The following TNRC6A variants were observed in gnomAD, a reference collection of about 807,000 sequenced individuals.
TNRC6A encodes trinucleotide repeat-containing gene 6A protein.
A neutral mutation model predicts 221.2 loss-of-function variants in TNRC6A; 44 were observed. That is an observed-to-expected ratio of 0.20 (90% CI 0.16 to 0.26). TNRC6A has a LOEUF of 0.26. Among genes scored for constraint, TNRC6A ranks in the 10% least tolerant of loss-of-function variants. The pLI is 1.00. For synonymous variants in TNRC6A, 847 were observed against 838.5 expected, an observed-to-expected ratio of 1.01 and a Z score of -0.18; for missense variants, 2,199 against 2,404.4, an observed-to-expected ratio of 0.91 and a Z score of 1.79.
Position 24,647,851 on chromosome 16 carries a change from A to G in TNRC6A, n.402+6842A>G, listed in dbSNP as rs1902373727. 2.0e-5 allele frequency among the ~76,000 whole-genome samples: 3 copies of G among 152,040 alleles called. No individual in the cohort carries two copies. In the South Asian group the frequency reaches 6.2e-4, roughly 32 times the overall value. ...GGTCTCGAACTCCTGACCTCAAATGATCAGCTGTCTCAGCCTCCCAAAGTG... is the reference window on the plus strand; with the variant it reads ...GGTCTCGAACTCCTGACCTCAAATGGTCAGCTGTCTCAGCCTCCCAAAGTG... On this transcript the variant is annotated intron_variant and non_coding_transcript_variant, in intron 2 of 2. Transcript: ENST00000566108.
Position 24,821,404 on chromosome 16 carries a change from G to C in TNRC6A, c.5303-673G>C, listed in dbSNP as rs563969179. On this transcript the variant is annotated intron_variant, in intron 22 of 24. Coordinates refer to ENST00000395799, the MANE Select transcript of TNRC6A (RefSeq NM_014494.4). ...CAGCCTCTGCCAAGGCCCAGACACC[G>C]GAGAAAGCACAAAGGCTCCCGTTGG... 3.3e-5 allele frequency among the ~76,000 whole-genome samples: 5 copies of C among 152,312 alleles called. No individual in the cohort carries two copies. The South Asian group carries it at 1.0e-3, about 32-fold the overall frequency.
At chr16:24,786,757 C>A (rs528624090) in intron 5 of TNRC6A, among the ~76,000 whole-genome samples, 1 of 151,902 alleles carries the variant, frequency 6.6e-6, no homozygotes, top group South Asian at 2.1e-4. Flanking sequence ...TCTCGGCTCA[C>A]GGCAACAGCC....
rs1286189316 is a variant in TNRC6A, at chr16:24,791,052, T to C, written c.2410T>C (p.Trp804Arg). The C allele has an allele frequency of 6.3e-7, 1 of 1,585,320 alleles. No homozygotes were observed. Among genetic ancestry groups the C allele is most frequent in the Non-Finnish European group, 8.6e-7 (1 of 1,165,800 alleles). The change falls in exon 6 of 25, where the codon TGG becomes CGG. Residue 804 changes from tryptophan to arginine, a missense_variant. Trp to Arg is a moderately radical substitution (Grantham distance 101). This residue lies in a region of TNRC6A where 1,405 missense variants were observed against 1,400.2 expected (regional missense o/e 1.00). Coordinates refer to ENST00000395799, the MANE Select transcript of TNRC6A (RefSeq NM_014494.4). ...DSKGSNCQGG[W>R]EDDSAATGMV... ...CAAAGGCTCAAACTGCCAGGGGGGG[T>C]GGGAAGATGATTCTGCTGCTACAGG...
Position 24,823,970 on chromosome 16 carries a change from A to G in TNRC6A, c.*163A>G. ...ACATATCAGTTTGAATACTTGAATCATGCAGGCCAATATTATAATGTGAAA... is the reference window on the plus strand; with the variant it reads ...ACATATCAGTTTGAATACTTGAATCGTGCAGGCCAATATTATAATGTGAAA... On this transcript the variant is annotated 3_prime_UTR_variant, in exon 25 of 25. Coordinates refer to ENST00000395799, the MANE Select transcript of TNRC6A (RefSeq NM_014494.4). The surrounding 1 kb of genome is among the most constrained non-coding windows in gnomAD (Gnocchi z 4.3). The G allele has an allele frequency of 1.8e-6, 1 of 558,334 alleles. No individual in the cohort carries two copies. The highest frequency in any genetic ancestry group is 2.8e-6 in the Non-Finnish European group (1 of 362,348). The allele number at this position is 558,334 out of a possible 1,614,324, so 34.6% of individuals were successfully genotyped here.
At chr16:24,822,842 C>T (rs2058794442) in intron 23 of TNRC6A, 32 bp from the exon 24 acceptor site, 2 of 1,611,932 alleles carry the variant, frequency 1.2e-6, no homozygotes, top group African/African-American at 2.7e-5. Context: ...GCGGTGACGC[C>T]TCTCACTGGC....
chr16:24,668,454 A>G (rs1465825948), intron 2 of TNRC6A, among the ~76,000 whole-genome samples: 12 of 152,222 alleles, frequency 7.9e-5, no homozygotes, highest in South Asian at 2.1e-4. Context: ...AGTGCAATTT[A>G]CAAAGCCTTC....
intron 2 of TNRC6A, among the ~76,000 whole-genome samples, chr16:24,721,823 G>C: frequency 6.6e-6 from 1 of 152,142 alleles, no homozygotes; most frequent in Non-Finnish European, 1.5e-5. Flanking sequence ...CAATAAAAAG[G>C]AACGAACTTA....
chr16:24,742,434 T>C (rs1164458884), intron 2 of TNRC6A, among the ~76,000 whole-genome samples: 1 of 151,484 alleles, frequency 6.6e-6, no homozygotes, highest in Non-Finnish European at 1.5e-5. Flanking sequence ...AAGTAACATA[T>C]GGATAAGAGT....
intron 2 of TNRC6A, among the ~76,000 whole-genome samples, chr16:24,705,147 C>G (rs950646817): frequency 6.6e-6 from 1 of 151,974 alleles, no homozygotes; most frequent in African/African-American, 2.4e-5. Flanking sequence ...CAGCAACAAC[C>G]CTTTGAGCTA....
chr16:24,790,013 T>G lies in TNRC6A; in HGVS notation c.1371T>G (p.Thr457=). 1 of 1,614,236 alleles carries G rather than the reference T, an allele frequency of 6.2e-7. No individual in the cohort carries two copies. The highest frequency in any genetic ancestry group is 8.5e-7 in the Non-Finnish European group (1 of 1,180,050). The change falls in exon 6 of 25, where the codon ACT becomes ACG. Residue 457 remains threonine (T), a synonymous_variant. Transcript: ENST00000395799. ...AAATGACTGGACCAAATAACACTAC[T>G]AACTTTATGACCTCTAGTTTACCAA... ...TTEMTGPNNT[T]NFMTSSLPNS... is the part of the protein sequence containing the mutation.
intron 1 of TNRC6A, among the ~76,000 whole-genome samples, chr16:24,632,142 C>T (rs570470137): frequency 4.1e-4 from 62 of 152,274 alleles, no homozygotes; most frequent in South Asian, 3.9e-3. Context: ...TGAGCCACCA[C>T]GCCCAGGCTC....
rs1261832909 is a variant in TNRC6A, at chr16:24,656,291, C to G, written n.402+15282C>G. 2.0e-5 allele frequency among the ~76,000 whole-genome samples: 3 copies of G among 151,590 alleles called. No homozygotes were observed. The East Asian group carries it at 5.8e-4, about 29-fold the overall frequency. On this transcript the variant is annotated intron_variant and non_coding_transcript_variant, in intron 2 of 2. Transcript: ENST00000566108. Reference sequence around the variant, plus strand: ...CAGCCTGGCCAACATGGCAAAACCCCGTCTCTACTAAAAATACAAAAAAAA... The same window carrying G: ...CAGCCTGGCCAACATGGCAAAACCCGGTCTCTACTAAAAATACAAAAAAAA...
intron 2 of TNRC6A, among the ~76,000 whole-genome samples, chr16:24,706,449 C>T (rs569178315): frequency 3.6e-4 from 55 of 152,120 alleles, no homozygotes; most frequent in South Asian, 2.1e-4. Context: ...CAGTGGCTCA[C>T]GCCTATAATC....
intron 1 of TNRC6A, among the ~76,000 whole-genome samples, chr16:24,626,998 T>G (rs1901053463): frequency 6.6e-6 from 1 of 151,638 alleles, no homozygotes; most frequent in African/African-American, 2.4e-5. Flanking sequence ...TCTCTAGGAT[T>G]TGCAGTGGTG....
chr16:24,626,684 G>C (rs1184080664), intron 1 of TNRC6A, among the ~76,000 whole-genome samples: 3 of 127,084 alleles, frequency 2.4e-5, no homozygotes, highest in Non-Finnish European at 1.6e-5. Context: ...GAGTCTCACT[G>C]TGTCGCCCAG....
chr16:24,704,523 G>T (rs1363638093), intron 2 of TNRC6A, among the ~76,000 whole-genome samples: 2 of 151,456 alleles, frequency 1.3e-5, no homozygotes, highest in East Asian at 3.9e-4. Flanking sequence ...AAAGTAGCTG[G>T]GTGTGGTGGC....
At chr16:24,722,305 T>C (rs2056422918) in intron 2 of TNRC6A, among the ~76,000 whole-genome samples, 1 of 152,124 alleles carries the variant, frequency 6.6e-6, no homozygotes, top group African/African-American at 2.4e-5. Flanking sequence ...TTCTTGCTAC[T>C]TGGGAAGCTG....
intron 2 of TNRC6A, among the ~76,000 whole-genome samples, chr16:24,687,769 C>T (rs540582452): frequency 6.6e-6 from 1 of 150,378 alleles, no homozygotes; most frequent in Non-Finnish European, 1.5e-5. Flanking sequence ...ACTACACTCC[C>T]GTCTGGGTGA....
intron 2 of TNRC6A, among the ~76,000 whole-genome samples, chr16:24,675,833 C>T (rs1297790502): frequency 2.7e-5 from 4 of 150,164 alleles, no homozygotes; most frequent in Non-Finnish European, 4.4e-5. Flanking sequence ...ATTCATACCA[C>T]CTCTTCCTTT....
Sources: gnomAD v4.1 joint callset for allele counts (sites outside exome capture counted in the v4.1 genomes callset) on GRCh38, gnomAD v4.1.1 for gene constraint, gnomAD v4.1.1 regional missense constraint, Gnocchi (gnomAD v3.1) non-coding constraint, MANE v1.5 for transcripts, NCBI Gene and HGNC (gene_info 2026-07-23, HGNC 2026-07-21) for gene names.